ROBO1: variants seen among roughly 807,000 people sequenced by gnomAD.
ROBO1 encodes roundabout homolog 1.
ROBO1 carries 149 observed loss-of-function variants against 195.9 expected under a neutral mutation model. The observed-to-expected ratio is 0.76, with a 90% CI of 0.67 to 0.87. The LOEUF is 0.87. Ranked by LOEUF, ROBO1 falls within the 40% of genes least tolerant of loss-of-function variation. The pLI is 0.00. For synonymous variants in ROBO1, 816 were observed against 733.2 expected (o/e 1.11, Z -1.82); for missense variants, 1,933 against 2,068.3 (o/e 0.93, Z 1.27).
At chr3:78,866,746 G>A (rs1350092522) in intron 4 of ROBO1, among the ~76,000 whole-genome samples, 1 of 152,120 alleles carries the variant, frequency 6.6e-6, no homozygotes, top group Non-Finnish European at 1.5e-5. Context: ...GTTTTAAAAT[G>A]GAGATGTATA....
In ROBO1 at chr3:79,549,096, A is replaced by G. The variant is rs536997777; in HGVS notation, c.88+40728T>C. ...GGGTGAAAAATCCTGTTAAATAATC[A>G]TGGTCTATCAAAATGTTTGAAGGGG... is the stretch of plus-strand genomic sequence containing the variant. On this transcript the variant is annotated intron_variant, in intron 2 of 30. Coordinates refer to ENST00000464233, the MANE Select transcript of ROBO1 (RefSeq NM_002941.4). Among the ~76,000 whole-genome samples the G allele has an allele frequency of 3.6e-3, 547 of 152,258 alleles. 4 individuals are homozygous for G. The highest frequency in any genetic ancestry group is 0.03 in the South Asian group (144 of 4,828).
At chr3:78,848,552 G>C (rs1284845603) in intron 4 of ROBO1, among the ~76,000 whole-genome samples, 4 of 152,118 alleles carry the variant, frequency 2.6e-5, no homozygotes, top group African/African-American at 4.8e-5. Flanking sequence ...GTACAGCACA[G>C]ACCTTAGAGA....
intron 2 of ROBO1, among the ~76,000 whole-genome samples, chr3:79,432,171 T>G (rs2038706125): frequency 1.3e-5 from 2 of 152,124 alleles, no homozygotes; most frequent in Non-Finnish European, 2.9e-5. Flanking sequence ...CTTGAAAATC[T>G]GAACTCCTTA....
chr3:79,590,041 A>G, intron 1 of ROBO1, 80 bp from the exon 2 acceptor site: 2 of 579,484 alleles, frequency 3.5e-6, no homozygotes, highest in Admixed American at 6.6e-5. Flanking sequence ...TTGCAGTTCA[A>G]ATAGATTTGA....
At chr3:79,316,597 T>C (rs1353831789) in intron 2 of ROBO1, among the ~76,000 whole-genome samples, 1 of 152,074 alleles carries the variant, frequency 6.6e-6, no homozygotes, top group Non-Finnish European at 1.5e-5. Context: ...AGAGATAAAG[T>C]CTGAGGATGG....
intron 3 of ROBO1, among the ~76,000 whole-genome samples, chr3:79,000,342 T>A (rs185236317): frequency 6.6e-6 from 1 of 152,292 alleles, no homozygotes; most frequent in East Asian, 1.9e-4. Flanking sequence ...ATGGATAGAT[T>A]GCAAAAATTT....
At chr3:79,406,140 AAGG>A (rs2037537039) in intron 2 of ROBO1, among the ~76,000 whole-genome samples, 1 of 152,080 alleles carries the variant, frequency 6.6e-6, no homozygotes, top group Admixed American at 6.6e-5. Context: ...GAGAGCAGAA[AAGG>A]AGGAGACAGC....
intron 1 of ROBO1, among the ~76,000 whole-genome samples, chr3:79,606,257 A>G (rs992780559): frequency 1.3e-5 from 2 of 151,966 alleles, no homozygotes; most frequent in Non-Finnish European, 2.9e-5. Context: ...CACGAGGACT[A>G]TAACTACAGT....
At chr3:79,656,508 T>C (rs898930071) in intron 1 of ROBO1, among the ~76,000 whole-genome samples, 1 of 152,110 alleles carries the variant, frequency 6.6e-6, no homozygotes, top group Admixed American at 6.6e-5. Flanking sequence ...TTTATTTTAT[T>C]TATTTTTGTC....
intron 2 of ROBO1, among the ~76,000 whole-genome samples, chr3:79,370,434 C>CAAAACCCTA (rs2036150276): frequency 6.6e-6 from 1 of 151,952 alleles, no homozygotes; most frequent in Non-Finnish European, 1.5e-5. Flanking sequence ...TTTATATTCA[C>CAAAACCCTA]AAAACCCTAT....
intron 2 of ROBO1, among the ~76,000 whole-genome samples, chr3:79,391,286 C>T (rs2106705722): frequency 6.6e-6 from 1 of 152,124 alleles, no homozygotes; most frequent in Admixed American, 6.6e-5. Flanking sequence ...GACTGAGACT[C>T]CATCTCAAAT....
chr3:78,821,313 G>A (rs1294133566), intron 4 of ROBO1, among the ~76,000 whole-genome samples: 5 of 151,684 alleles, frequency 3.3e-5, no homozygotes, highest in Admixed American at 1.3e-4. Context: ...TTACAGGTGT[G>A]TACCACCACG....
At chr3:79,700,317 T>TGTG (rs1553793340) in intron 1 of ROBO1, among the ~76,000 whole-genome samples, 3 of 144,254 alleles carry the variant, frequency 2.1e-5, no homozygotes, top group African/African-American at 5.2e-5. Context: ...GTGTGTGTGT[T>TGTG]TGTGTGTGTG....
rs745938006 is a variant in ROBO1 at position 78,636,072 on chromosome 3, T to G, written c.3074A>C (p.Asn1025Thr). The G allele has an allele frequency of 3.1e-6, 5 of 1,613,192 alleles. No individual in the cohort carries two copies. The South Asian group carries it at 3.3e-5, about 11-fold the overall frequency. The part of the protein sequence containing the change: ...CIANYNNQLD[N>T]KQTNLMLPES... ...AGGGAGCATCAGATTTGTTTGTTTGTTATCCAGTTGGTTGTTATAATTTGC... is the reference window on the plus strand; with the variant it reads ...AGGGAGCATCAGATTTGTTTGTTTGGTATCCAGTTGGTTGTTATAATTTGC... The change falls in exon 23 of 31, where the codon AAC (asparagine) becomes ACC (threonine). Residue 1025 changes from asparagine to threonine, a missense_variant. Around this residue, in one of 3 missense-constraint regions of ROBO1, gnomAD observed 1,737 missense variants for 1,882.5 expected, o/e 0.92. Transcript: ENST00000464233.
intron 4 of ROBO1, among the ~76,000 whole-genome samples, chr3:78,762,038 T>C (rs1191708770): frequency 6.6e-6 from 1 of 152,072 alleles, no homozygotes; most frequent in Non-Finnish European, 1.5e-5. Context: ...CAAATGAAAT[T>C]CACAGTTGTT....
In ROBO1 at chr3:78,931,550, A is replaced by G. The variant is rs770424618; in HGVS notation, c.499+7051T>C. Among the ~76,000 whole-genome samples the G allele has an allele frequency of 4.7e-4, 71 of 152,188 alleles. 1 individual carries two copies. The highest frequency in any genetic ancestry group is 6.0e-4 in the Non-Finnish European group (41 of 67,992). The stretch of plus-strand genomic sequence containing the variant: ...CATGAGCCACCGTGCCCAGCCAAAA[A>G]CAACATTTTCAATGTCCATATTGTG... On this transcript the variant is annotated intron_variant, in intron 4 of 30. Coordinates refer to ENST00000464233, the MANE Select transcript of ROBO1 (RefSeq NM_002941.4).
intron 1 of ROBO1, among the ~76,000 whole-genome samples, chr3:79,748,356 T>C (rs1275068103): frequency 6.6e-6 from 1 of 152,202 alleles, no homozygotes; most frequent in Non-Finnish European, 1.5e-5. Flanking sequence ...AATTATATCG[T>C]AAAACACACA....
chr3:79,455,056 ATC>A (rs2039573063), intron 2 of ROBO1, among the ~76,000 whole-genome samples: 1 of 152,030 alleles, frequency 6.6e-6, no homozygotes, highest in South Asian at 2.1e-4. Context: ...CACTCTGAAT[ATC>A]TGTTCTTATT....
chr3:79,302,599 T>C (rs1167790860), intron 2 of ROBO1, among the ~76,000 whole-genome samples: 1 of 152,218 alleles, frequency 6.6e-6, no homozygotes, highest in Non-Finnish European at 1.5e-5. Flanking sequence ...TTTGACTTAA[T>C]TGATGAAACA....
Sources: gnomAD v4.1 joint callset for allele counts (sites outside exome capture counted in the v4.1 genomes callset) on GRCh38, gnomAD v4.1.1 for gene constraint, gnomAD v4.1.1 regional missense constraint, MANE v1.5 for transcripts, NCBI Gene and HGNC (gene_info 2026-07-23, HGNC 2026-07-21) for gene names.